ASF1B: variants seen among roughly 807,000 people sequenced by gnomAD.
ASF1B encodes histone chaperone ASF1B.
In ASF1B, 10 loss-of-function variants were observed where a neutral mutation model predicts 16.6. The ratio of observed to expected loss-of-function variants is 0.60; its 90% CI spans 0.37 to 1.02. The LOEUF (loss-of-function observed/expected upper bound fraction) is 1.02, where lower values mean the gene tolerates loss of function less well. Among genes scored for constraint, ASF1B ranks in the 50% least tolerant of loss-of-function variants. The pLI is 0.01. For synonymous variants in ASF1B, 101 were observed against 106.2 expected (o/e 0.95, Z 0.30); for missense variants, 240 against 266.0 (o/e 0.90, Z 0.68).
Position 14,120,319 on chromosome 19 carries a change from C to T in ASF1B, c.*140G>A. ...GCCAGGACTAGGGGAGACCCAAGGC[C>T]TGTTCTTTCCTAGGGGCTGAGTTTG... On this transcript the variant is annotated 3_prime_UTR_variant, in exon 4 of 4. Transcript: ENST00000263382. The T allele has an allele frequency of 2.6e-6, 2 of 777,912 alleles. No homozygotes were observed. The highest frequency in any genetic ancestry group is 2.1e-6 in the Non-Finnish European group (1 of 486,220). 48.2% of individuals were successfully genotyped at this position (777,912 alleles called of 1,614,324 possible). A position where few individuals can be genotyped will look rare whatever the true frequency, so the allele number is the denominator to read the frequency against.
intron 1 of ASF1B, among the ~76,000 whole-genome samples, chr19:14,130,620 C>G (rs1461947592): frequency 1.3e-5 from 2 of 151,644 alleles, no homozygotes; most frequent in Middle Eastern, 3.2e-3. Flanking sequence ...ATCACCAATA[C>G]AGCAGGAACT....
chr19:14,133,789 G>T lies in ASF1B; in HGVS notation c.109+2559C>A, dbSNP rs190148839. 6.1e-3 allele frequency among the ~76,000 whole-genome samples: 900 copies of T among 147,826 alleles called. 5 individuals carry two copies. The highest frequency in any genetic ancestry group is 8.3e-3 in the Non-Finnish European group (562 of 67,424). On this transcript the variant is annotated intron_variant, in intron 1 of 3. Coordinates refer to ENST00000263382, the MANE Select transcript of ASF1B (RefSeq NM_018154.3). ...GGAGTAGAAGTACCAGATAATGACC[G>T]CACAACCATTTTTTTTTTTTTTTTT...
chr19:14,136,548 A>C lies in ASF1B; in HGVS notation c.-92T>G. The C allele has an allele frequency of 1.0e-6, 1 of 990,818 alleles. No individual in the cohort carries two copies. The highest frequency in any genetic ancestry group is 1.5e-6 in the Non-Finnish European group (1 of 670,300). The allele number at this position is 990,818 out of a possible 1,614,324, so 61.4% of individuals were successfully genotyped here. On this transcript the variant is annotated 5_prime_UTR_variant, in exon 1 of 4. Coordinates refer to ENST00000263382, the MANE Select transcript of ASF1B (RefSeq NM_018154.3). ...CGGTGGGGTCAGTGGGGTAGGGCTG[A>C]CCAGGTCCACTCCCGCCTCTTCTCT...
intron 1 of ASF1B, among the ~76,000 whole-genome samples, chr19:14,130,890 G>GT (rs1223761897): frequency 2.6e-5 from 4 of 151,396 alleles, no homozygotes; most frequent in South Asian, 2.1e-4. Context: ...TTTTGTTGTT[G>GT]TTTTTTTGAG....
In ASF1B at chr19:14,119,552, T is replaced by A. The variant is rs1345566446; in HGVS notation, c.*907A>T. On this transcript the variant is annotated 3_prime_UTR_variant, in exon 4 of 4. Coordinates refer to ENST00000263382, the MANE Select transcript of ASF1B (RefSeq NM_018154.3). ...TTTTAATTTTCAGACCAAACATTTT[T>A]AATATAAAAACATTTTGATAATATA... The A allele has an allele frequency of 6.6e-6, 1 of 152,654 alleles. No homozygotes were observed. Among genetic ancestry groups the A allele is most frequent in the Non-Finnish European group, 1.5e-5 (1 of 68,044 alleles). 9.5% of individuals were successfully genotyped at this position (152,654 alleles called of 1,614,324 possible).
At chr19:14,133,588 A>C (rs1444781184) in intron 1 of ASF1B, among the ~76,000 whole-genome samples, 1 of 151,558 alleles carries the variant, frequency 6.6e-6, no homozygotes, top group Non-Finnish European at 1.5e-5. Flanking sequence ...GAATCGCTTG[A>C]ATCTGGGAGG....
Position 14,126,212 on chromosome 19 carries a change from A to T in ASF1B, c.135T>A (p.Val45=). The change falls in exon 2 of 4, where the codon GTT becomes GTA. Residue 45 remains valine, a synonymous_variant. Transcript: ENST00000263382. ...ADDLEWKIIY[V]GSAESEEFDQ... ...CAAATTCCTCACTCTCAGCCGAGCC[A>T]ACATAAATGATCTTCCACTCCAGGT... 1.2e-6 allele frequency: 2 copies of T among 1,613,404 alleles called. No individual in the cohort carries two copies. The highest frequency in any genetic ancestry group is 1.7e-6 in the Non-Finnish European group (2 of 1,179,986).
chr19:14,136,526 T>C lies in ASF1B; in HGVS notation c.-70A>G. On this transcript the variant is annotated 5_prime_UTR_variant, in exon 1 of 4. Coordinates refer to ENST00000263382, the MANE Select transcript of ASF1B (RefSeq NM_018154.3). ...TGGCGGAGGCCGCGCCTGGGTCCGG[T>C]GGGGTCAGTGGGGTAGGGCTGACCA... The C allele has an allele frequency of 1.5e-6, 2 of 1,350,746 alleles. No homozygotes were observed. The highest frequency in any genetic ancestry group is 2.1e-6 in the Non-Finnish European group (2 of 966,302). The allele number at this position is 1,350,746 out of a possible 1,614,324, so 83.7% of individuals were successfully genotyped here. A position where few individuals can be genotyped will look rare whatever the true frequency, so the allele number is the denominator to read the frequency against.
In ASF1B at chr19:14,126,152, C is replaced by A; in HGVS notation, c.195G>T (p.Val65=). ...AGACAAACATGTGTCTCCCTGCTGG[C>A]ACAGGGCCCACCAGCACCGAGTCTA... The part of the protein sequence containing the change: ...QILDSVLVGP[V]PAGRHMFVFQ... Residue 65 remains valine (V), a synonymous_variant, in exon 2 of 4, where the codon GTG becomes GTT. Transcript: ENST00000263382. The A allele has an allele frequency of 6.2e-7, 1 of 1,607,024 alleles. No homozygotes were observed. Among genetic ancestry groups the A allele is most frequent in the Non-Finnish European group, 8.5e-7 (1 of 1,177,734 alleles).
rs546431647 is a variant in ASF1B, at chr19:14,123,448, C to T, written c.226-1740G>A. ...AGGCTGGAGTGCAGTGGCGTGATCT[C>T]GGCTCACTGCAAGCTCCGCCTCCCA... is the stretch of plus-strand genomic sequence containing the variant. On this transcript the variant is annotated intron_variant, in intron 2 of 3. Coordinates refer to ENST00000263382, the MANE Select transcript of ASF1B (RefSeq NM_018154.3). Among the ~76,000 whole-genome samples the T allele has an allele frequency of 1.4e-4, 20 of 143,248 alleles. No individual in the cohort carries two copies. The East Asian group carries it at 2.1e-3, about 15-fold the overall frequency. The allele number at this position is 143,248 out of a possible 152,430, so 94.0% of individuals were successfully genotyped here.
At chr19:14,126,564 C>T (rs1450395803) in intron 1 of ASF1B, among the ~76,000 whole-genome samples, 1 of 152,106 alleles carries the variant, frequency 6.6e-6, no homozygotes. Flanking sequence ...CTCTGCCTCC[C>T]AGGTTCAAGC....
intron 2 of ASF1B, among the ~76,000 whole-genome samples, chr19:14,124,042 C>T (rs1251985529): frequency 2.6e-5 from 4 of 151,964 alleles, no homozygotes; most frequent in Admixed American, 6.6e-5. Flanking sequence ...TCTGCCTGCC[C>T]CAGCCTCCCA....
At chr19:14,134,548 A>G (rs934238129) in intron 1 of ASF1B, among the ~76,000 whole-genome samples, 1 of 151,834 alleles carries the variant, frequency 6.6e-6, no homozygotes, top group Non-Finnish European at 1.5e-5. Context: ...TTCTCTTTCA[A>G]CCACCAAGTA....
In ASF1B at chr19:14,121,589, G is replaced by A. The variant is rs1967237976; in HGVS notation, c.345C>T (p.Asn115=). 4.3e-6 allele frequency: 7 copies of A among 1,613,954 alleles called. No individual in the cohort carries two copies. The highest frequency in any genetic ancestry group is 2.2e-5 in the South Asian group (2 of 91,078). ...CACGCAGCTCAGGGTTGAGGTACTC[G>A]TTGTTGACGTAGTAGCCCACTCGGA... ...EFIRVGYYVN[N]EYLNPELREN... is the part of the protein sequence containing the mutation. The change falls in exon 3 of 4, where the codon AAC becomes AAT. Residue 115 remains asparagine (N), a synonymous_variant. Transcript: ENST00000263382.
chr19:14,123,137 C>T (rs551113100), intron 2 of ASF1B, among the ~76,000 whole-genome samples: 27 of 152,296 alleles, frequency 1.8e-4, no homozygotes, highest in South Asian at 1.7e-3. Context: ...AGCAGAGTAT[C>T]GCACCAAGTG....
rs61351900 is a variant in ASF1B at position 14,130,787 on chromosome 19, G to GTATATATA, written c.110-4558_110-4551dup. On this transcript the variant is annotated intron_variant, in intron 1 of 3. Transcript: ENST00000263382. ...ACATACCTCCACTGTGTGTTTGTGT[G>GTATATATA]TATATATATATATATATATATATAA... Among the ~76,000 whole-genome samples the GTATATATA allele has an allele frequency of 5.0e-3, 710 of 142,450 alleles. 2 individuals are homozygous for GTATATATA. The highest frequency in any genetic ancestry group is 0.014 in the African/African-American group (544 of 38,308). The allele number at this position is 142,450 out of a possible 152,430, so 93.5% of individuals were successfully genotyped here.
chr19:14,134,577 G>A (rs889928825), intron 1 of ASF1B, among the ~76,000 whole-genome samples: 2 of 152,082 alleles, frequency 1.3e-5, no homozygotes, highest in Non-Finnish European at 2.9e-5. Context: ...GCCTAATGGA[G>A]TACTTCTTCC....
intron 1 of ASF1B, among the ~76,000 whole-genome samples, chr19:14,131,137 C>T (rs1305918910): frequency 1.3e-5 from 2 of 151,594 alleles, no homozygotes; most frequent in Admixed American, 1.3e-4. Flanking sequence ...CTTGGTCTCC[C>T]AAAATGCTGG....
Position 14,129,048 on chromosome 19 carries a change from G to A in ASF1B, c.110-2811C>T, listed in dbSNP as rs1967359043. ...AACAAAGAGCATGTGGAAACTCACC[G>A]AAATAAATGGGCCCCTGCAACATAG... On this transcript the variant is annotated intron_variant, in intron 1 of 3. Transcript: ENST00000263382. Among the ~76,000 whole-genome samples the A allele has an allele frequency of 2.0e-5, 3 of 152,100 alleles. No individual in the cohort carries two copies. The South Asian group carries it at 6.2e-4, about 32-fold the overall frequency.
Sources: allele counts gnomAD v4.1 joint callset (sites outside exome capture counted in the v4.1 genomes callset), GRCh38; gene constraint gnomAD v4.1.1; transcripts MANE v1.5; gene names NCBI Gene and HGNC (gene_info 2026-07-23, HGNC 2026-07-21).